Variants in RNLS observed in about 807,000 individuals in gnomAD.
The protein encoded by RNLS is renalase.
Under a neutral mutation model 39.8 loss-of-function variants are expected in RNLS, and 39 were observed. The observed-to-expected ratio is 0.98, with a 90% CI of 0.76 to 1.28. The LOEUF (loss-of-function observed/expected upper bound fraction) is 1.28. RNLS is among the 50% of genes most tolerant of loss of function. The pLI is 0.00. For synonymous variants in RNLS, 147 were observed against 150.7 expected (o/e 0.98, Z 0.18); for missense variants, 410 against 413.3 (o/e 0.99, Z 0.07).
chr10:88,562,790 C>G (rs1203211145), intron 4 of RNLS, among the ~76,000 whole-genome samples: 1 of 151,820 alleles, frequency 6.6e-6, no homozygotes, highest in Non-Finnish European at 1.5e-5. Flanking sequence ...ATAGTAGATA[C>G]CAACGGAAAA....
intron 4 of RNLS, among the ~76,000 whole-genome samples, chr10:88,390,239 C>A (rs1852111470): frequency 6.6e-6 from 1 of 152,168 alleles, no homozygotes; most frequent in African/African-American, 2.4e-5. Context: ...AAGTGAAAGT[C>A]TCTGGGACGC....
intron 4 of RNLS, among the ~76,000 whole-genome samples, chr10:88,382,036 A>G (rs1022267612): frequency 3.9e-5 from 6 of 152,124 alleles, no homozygotes; most frequent in Admixed American, 3.9e-4. Flanking sequence ...CTACGATGGC[A>G]GAGTAGAGTA....
At chr10:88,577,925 AC>A (rs1474994087) in intron 3 of RNLS, among the ~76,000 whole-genome samples, 1 of 152,206 alleles carries the variant, frequency 6.6e-6, no homozygotes, top group African/African-American at 2.4e-5. Flanking sequence ...CATATCCCAG[AC>A]AAATAATTGC....
chr10:88,442,234 C>G (rs745622217), intron 4 of RNLS, among the ~76,000 whole-genome samples: 1 of 152,078 alleles, frequency 6.6e-6, no homozygotes, highest in Non-Finnish European at 1.5e-5. Context: ...AAAGAGAAAG[C>G]AAATAGTTTA....
chr10:88,343,588 G>C (rs957865023), intron 5 of RNLS: 3 of 985,222 alleles, frequency 3.0e-6, no homozygotes, highest in Non-Finnish European at 3.6e-6. Context: ...TTTCTGTCCA[G>C]GGCTGGGATA....
At chr10:88,511,462 C>G (rs561939544) in intron 4 of RNLS, among the ~76,000 whole-genome samples, 1 of 152,164 alleles carries the variant, frequency 6.6e-6, no homozygotes, top group East Asian at 1.9e-4. Context: ...ACTTACTTGA[C>G]AAGCAGGTGG....
chr10:88,284,119 C>T lies in RNLS; in HGVS notation c.*1235G>A. The T allele has an allele frequency of 1.0e-6, 1 of 984,488 alleles. No individual in the cohort carries two copies. Among genetic ancestry groups the T allele is most frequent in the Non-Finnish European group, 1.2e-6 (1 of 829,166 alleles). The allele number at this position is 984,488 out of a possible 1,614,324, so 61.0% of individuals were successfully genotyped here. On this transcript the variant is annotated 3_prime_UTR_variant, in exon 7 of 7. Coordinates refer to ENST00000331772, the MANE Select transcript of RNLS (RefSeq NM_001031709.3). ...ACCACATGTTGGCATTTAAGTTTTTCACCAATTTATTGCTAAGAGGAAACA... is the reference window on the plus strand; with the variant it reads ...ACCACATGTTGGCATTTAAGTTTTTTACCAATTTATTGCTAAGAGGAAACA...
chr10:88,336,215 G>A (rs1462146019), intron 5 of RNLS, among the ~76,000 whole-genome samples: 1 of 152,162 alleles, frequency 6.6e-6, no homozygotes, highest in Admixed American at 6.5e-5. Context: ...TTAAAAAACC[G>A]ACACACCTAT....
chr10:88,375,091 G>T (rs1850873391), intron 4 of RNLS, among the ~76,000 whole-genome samples: 1 of 151,738 alleles, frequency 6.6e-6, no homozygotes, highest in Non-Finnish European at 1.5e-5. Context: ...TCAATTTCTT[G>T]TCCTGTTGTC....
At chr10:88,433,528 G>A (rs1484382644) in intron 4 of RNLS, among the ~76,000 whole-genome samples, 1 of 151,942 alleles carries the variant, frequency 6.6e-6, no homozygotes, top group East Asian at 1.9e-4. Flanking sequence ...ATTTTGATTG[G>A]AGTTAAAAGA....
At chr10:88,183,212 G>A in the RNLS span, among the ~76,000 whole-genome samples, 2 of 152,098 alleles carry the variant, frequency 1.3e-5, no homozygotes, top group African/African-American at 4.8e-5. Flanking sequence ...TGCCTTGGAT[G>A]TGGAAGAGAG....
the RNLS span, among the ~76,000 whole-genome samples, chr10:88,257,459 A>C: frequency 1.3e-5 from 2 of 152,178 alleles, no homozygotes; most frequent in African/African-American, 4.8e-5. Flanking sequence ...AAATACCCTC[A>C]GAGGAGGTTG....
intron 6 of RNLS, among the ~76,000 whole-genome samples, chr10:88,309,796 T>G (rs1436007032): frequency 6.6e-6 from 1 of 152,042 alleles, no homozygotes; most frequent in African/African-American, 2.4e-5. Context: ...TCGAGGGAGT[T>G]TTCGTTAAGA....
chr10:88,568,216 C>T (rs1386177297), intron 4 of RNLS, among the ~76,000 whole-genome samples: 1 of 152,072 alleles, frequency 6.6e-6, no homozygotes, highest in Non-Finnish European at 1.5e-5. Flanking sequence ...TGAGGGCCTC[C>T]AGCTCCATCA....
intron 4 of RNLS, among the ~76,000 whole-genome samples, chr10:88,458,366 C>T (rs1842753444): frequency 6.6e-6 from 1 of 152,312 alleles, no homozygotes; most frequent in South Asian, 2.1e-4. Context: ...ACGCACAGTT[C>T]CTTCCTCCTC....
At chr10:88,341,360 C>T (rs997984148) in intron 5 of RNLS, among the ~76,000 whole-genome samples, 1 of 138,062 alleles carries the variant, frequency 7.2e-6, no homozygotes, top group African/African-American at 2.7e-5. Flanking sequence ...AGAATGAGAA[C>T]AAACAAGAAT....
chr10:88,553,396 T>G (rs77332261), intron 4 of RNLS, among the ~76,000 whole-genome samples: 3,276 of 152,286 alleles, frequency 0.022, 62 homozygotes, highest in East Asian at 0.073. Context: ...GTCTGAGAGT[T>G]CCAGGTCCCC....
At chr10:88,197,403 G>A in the RNLS span, among the ~76,000 whole-genome samples, 1 of 152,124 alleles carries the variant, frequency 6.6e-6, no homozygotes, top group Non-Finnish European at 1.5e-5. Context: ...GGGCCCGGCT[G>A]TTGGGTCTGC....
chr10:88,489,969 T>C (rs1018638130), intron 4 of RNLS, among the ~76,000 whole-genome samples: 13 of 152,322 alleles, frequency 8.5e-5, no homozygotes, highest in East Asian at 1.9e-4. Flanking sequence ...CTGTCCATTG[T>C]ATGGCTAGAG....
Sources: gnomAD v4.1 joint callset for allele counts (sites outside exome capture counted in the v4.1 genomes callset) on GRCh38, gnomAD v4.1.1 for gene constraint, MANE v1.5 for transcripts, NCBI Gene and HGNC (gene_info 2026-07-23, HGNC 2026-07-21) for gene names.